Variants in ZFP3 observed in about 807,000 individuals in gnomAD.
ZFP3 encodes the protein ZFP3 zinc finger protein, also known as zinc finger protein 3 homolog.
In ZFP3, 18 loss-of-function variants were observed where a neutral mutation model predicts 36.7. That is an observed-to-expected ratio of 0.49 (90% confidence interval 0.34 to 0.73). The LOEUF is 0.73. ZFP3 is among the 30% of genes least tolerant of loss of function. The pLI, the probability that ZFP3 is intolerant of heterozygous loss-of-function variation, is 0.01. For synonymous variants in ZFP3, 218 were observed against 199.0 expected, an observed-to-expected ratio of 1.10 and a Z score of -0.81; for missense variants, 495 against 599.0, an observed-to-expected ratio of 0.83 and a Z score of 1.81.
At chr17:5,084,010 G>A (rs2072107725) in intron 1 of ZFP3, among the ~76,000 whole-genome samples, 1 of 151,844 alleles carries the variant, frequency 6.6e-6, no homozygotes, top group Non-Finnish European at 1.5e-5. Flanking sequence ...GGGATTATAA[G>A]CACCCACCAT....
At chr17:5,089,610 A>G (rs2072139191) in intron 1 of ZFP3, among the ~76,000 whole-genome samples, 1 of 152,198 alleles carries the variant, frequency 6.6e-6, no homozygotes, top group Admixed American at 6.5e-5. Context: ...CATTTTTGCC[A>G]CAACTAAAAA....
At chr17:5,083,725 C>T (rs952264638) in intron 1 of ZFP3, among the ~76,000 whole-genome samples, 9 of 152,120 alleles carry the variant, frequency 5.9e-5, no homozygotes, top group Non-Finnish European at 1.2e-4. Context: ...GATTCTCACG[C>T]AGCTAGCCTA....
At chr17:5,080,049 A>G (rs375201481) in intron 1 of ZFP3, among the ~76,000 whole-genome samples, 2 of 152,232 alleles carry the variant, frequency 1.3e-5, no homozygotes, top group African/African-American at 4.8e-5. Context: ...CAAAGAAAAA[A>G]AAAAAAATAG....
chr17:5,091,658 A>C lies in ZFP3; in HGVS notation c.154A>C (p.Arg52=), dbSNP rs1369761545. ...CEEDMLEGHS[R]ESMEEVIEQM... ...AGAAGACATGTTGGAGGGACATTCG[A>C]GAGAGTCCATGGAAGAGGTTATAGA... Residue 52 remains arginine (R), a synonymous_variant, in exon 2 of 2, where the codon AGA becomes CGA. Transcript: ENST00000318833. 11 of 1,614,184 alleles carry C rather than the reference A, an allele frequency of 6.8e-6. No individual in the cohort carries two copies. Among genetic ancestry groups the C allele is most frequent in the Non-Finnish European group, 9.3e-6 (11 of 1,180,014 alleles).
chr17:5,081,124 G>A (rs989945553), intron 1 of ZFP3, among the ~76,000 whole-genome samples: 1 of 146,652 alleles, frequency 6.8e-6, no homozygotes, highest in Non-Finnish European at 1.5e-5. Flanking sequence ...TTGAGATGGA[G>A]TCTCACTCTG....
chr17:5,090,141 A>G (rs983578798), intron 1 of ZFP3, among the ~76,000 whole-genome samples: 2 of 152,236 alleles, frequency 1.3e-5, no homozygotes, highest in African/African-American at 4.8e-5. Context: ...TAAAAACAAC[A>G]TCAGCATAAG....
At chr17:5,089,572 G>T (rs1342198106) in intron 1 of ZFP3, among the ~76,000 whole-genome samples, 1 of 152,168 alleles carries the variant, frequency 6.6e-6, no homozygotes, top group East Asian at 1.9e-4. Flanking sequence ...TAAGGCAATG[G>T]GGAATAATAT....
At chr17:5,083,352 G>A (rs2072103704) in intron 1 of ZFP3, among the ~76,000 whole-genome samples, 1 of 152,044 alleles carries the variant, frequency 6.6e-6, no homozygotes, top group South Asian at 2.1e-4. Context: ...GAGGTCAGGA[G>A]TTGGAGACCA....
At chr17:5,081,093 CT>C (rs71367880) in intron 1 of ZFP3, among the ~76,000 whole-genome samples, 2,893 of 141,544 alleles carry the variant, frequency 0.02, 84 homozygotes, top group African/African-American at 0.069. Context: ...TGTTTCTGTT[CT>C]TTTTTTTTTT....
At chr17:5,082,801 A>G (rs2072101163) in intron 1 of ZFP3, among the ~76,000 whole-genome samples, 1 of 152,188 alleles carries the variant, frequency 6.6e-6, no homozygotes, top group Non-Finnish European at 1.5e-5. Context: ...AAGTGCCGGG[A>G]TTATAGGCGT....
intron 1 of ZFP3, among the ~76,000 whole-genome samples, chr17:5,091,111 C>T (rs1421209939): frequency 1.3e-5 from 2 of 152,012 alleles, no homozygotes; most frequent in Non-Finnish European, 2.9e-5. Context: ...ATCTCTTTAC[C>T]ATCCATTTCC....
chr17:5,093,017 G>A lies in ZFP3; in HGVS notation c.*4G>A, dbSNP rs1284583757. 3.2e-6 allele frequency: 5 copies of A among 1,548,454 alleles called. No homozygotes were observed. The highest frequency in any genetic ancestry group is 4.3e-6 in the Non-Finnish European group (5 of 1,150,502). ...AAGTGTTCACTGTATGGAGTAATCTGCAAAATAGGAAAGCTTTTAGTGGAA... is the reference window on the plus strand; with the variant it reads ...AAGTGTTCACTGTATGGAGTAATCTACAAAATAGGAAAGCTTTTAGTGGAA... On this transcript the variant is annotated 3_prime_UTR_variant, in exon 2 of 2. Coordinates refer to ENST00000318833, the MANE Select transcript of ZFP3 (RefSeq NM_153018.3).
Position 5,092,640 on chromosome 17 carries a change from A to G in ZFP3, c.1136A>G (p.Glu379Gly). 6.2e-7 allele frequency: 1 copy of G among 1,614,190 alleles called. No homozygotes were observed. Among genetic ancestry groups the G allele is most frequent in the Non-Finnish European group, 8.5e-7 (1 of 1,180,036 alleles). ...GGGAAGGCCTTCAGGGGGAACTCAGAACTTCTTAGACATGAGAGAATTCAC... is the reference window on the plus strand; with the variant it reads ...GGGAAGGCCTTCAGGGGGAACTCAGGACTTCTTAGACATGAGAGAATTCAC... ...ECGKAFRGNS[E>G]LLRHERIHTG... Residue 379 changes from glutamate to glycine, a missense_variant, in exon 2 of 2, where the codon GAA (glutamate) becomes GGA (glycine). By Grantham distance (98) the Glu-to-Gly change is moderately conservative. Coordinates refer to ENST00000318833, the MANE Select transcript of ZFP3 (RefSeq NM_153018.3). This position sits in a 1 kb window ranked among gnomAD's most constrained non-coding sequence, Gnocchi z 5.0.
chr17:5,093,391 C>CT lies in ZFP3; in HGVS notation c.*381dup, dbSNP rs1467068438. 5.4e-6 allele frequency: 1 copy of CT among 185,258 alleles called. No homozygotes were observed. Among genetic ancestry groups the CT allele is most frequent in the Non-Finnish European group, 1.2e-5 (1 of 80,266 alleles). 11.5% of individuals were successfully genotyped at this position (185,258 alleles called of 1,614,324 possible). On this transcript the variant is annotated 3_prime_UTR_variant, in exon 2 of 2. Coordinates refer to ENST00000318833, the MANE Select transcript of ZFP3 (RefSeq NM_153018.3). The stretch of plus-strand genomic sequence containing the variant: ...TGTGCTAAGTTAAATCATAAAAGCT[C>CT]TTTCAGGCCTTAATTTCCCCTCTGT...
Position 5,095,477 on chromosome 17 carries a change from A to G in ZFP3, c.*2464A>G, listed in dbSNP as rs1567751276. Reference sequence around the variant, plus strand: ...TTCCATGCCTGATTCCCGTGTTTGCATATTTTATTTCCACATTTACCTCTT... The same window carrying G: ...TTCCATGCCTGATTCCCGTGTTTGCGTATTTTATTTCCACATTTACCTCTT... On this transcript the variant is annotated 3_prime_UTR_variant, in exon 2 of 2. Transcript: ENST00000318833. 6.0e-6 allele frequency: 1 copy of G among 166,954 alleles called. No individual in the cohort carries two copies. Among genetic ancestry groups the G allele is most frequent in the Non-Finnish European group, 1.5e-5 (1 of 68,108 alleles). 10.3% of individuals were successfully genotyped at this position (166,954 alleles called of 1,614,324 possible). A position where few individuals can be genotyped will look rare whatever the true frequency, so the allele number is the denominator to read the frequency against.
chr17:5,081,703 G>C (rs1205232075), intron 1 of ZFP3, among the ~76,000 whole-genome samples: 1 of 150,780 alleles, frequency 6.6e-6, no homozygotes, highest in African/African-American at 2.4e-5. Context: ...CCGGGTTCAC[G>C]CCATTCTCCT....
chr17:5,087,803 C>T (rs1238438040), intron 1 of ZFP3, among the ~76,000 whole-genome samples: 1 of 152,168 alleles, frequency 6.6e-6, no homozygotes, highest in Non-Finnish European at 1.5e-5. Context: ...CTTTCTCCTG[C>T]CCTGCCCTTT....
rs1051889288 is a variant in ZFP3, at chr17:5,078,473, C to G, written c.-111C>G. On this transcript the variant is annotated 5_prime_UTR_variant, in exon 1 of 2. Transcript: ENST00000318833. The surrounding 1 kb of genome is among the most constrained non-coding windows in gnomAD (Gnocchi z 4.5). ...CCGGGTACCGGAAGTGGCCGATGCCCGTCGCCAGTGACACCGGGACAACAG... is the reference window on the plus strand; with the variant it reads ...CCGGGTACCGGAAGTGGCCGATGCCGGTCGCCAGTGACACCGGGACAACAG... 3.9e-5 allele frequency: 6 copies of G among 152,322 alleles called. No individual in the cohort carries two copies. Among genetic ancestry groups the G allele is most frequent in the African/African-American group, 1.2e-4 (5 of 41,468 alleles). 9.4% of individuals were successfully genotyped at this position (152,322 alleles called of 1,614,324 possible). A position where few individuals can be genotyped will look rare whatever the true frequency, so the allele number is the denominator to read the frequency against.
At position 5,092,886 on chromosome 17, in the gene ZFP3, A is replaced by G. The variant is rs770812153; in HGVS notation, c.1382A>G (p.His461Arg). The change falls in exon 2 of 2, where the codon CAT becomes CGT. Residue 461 changes from histidine (H) to arginine (R), a missense_variant. By Grantham distance (29) the His-to-Arg change is conservative. Coordinates refer to ENST00000318833, the MANE Select transcript of ZFP3 (RefSeq NM_153018.3). The surrounding 1 kb of genome is among the most constrained non-coding windows in gnomAD (Gnocchi z 5.0). Reference sequence around the variant, plus strand: ...GAGTGTGAGAAAACATTTAGCCAGCATTCCCAACTTATCATACATCAGAGA... The same window carrying G: ...GAGTGTGAGAAAACATTTAGCCAGCGTTCCCAACTTATCATACATCAGAGA... ...CSECEKTFSQ[H>R]SQLIIHQRIH... 2.5e-5 allele frequency: 41 copies of G among 1,614,212 alleles called. No individual in the cohort carries two copies. In the East Asian group the frequency reaches 6.2e-4, roughly 25 times the overall value.
Sources: allele counts gnomAD v4.1 joint callset (sites outside exome capture counted in the v4.1 genomes callset), GRCh38; gene constraint gnomAD v4.1.1; non-coding constraint Gnocchi (gnomAD v3.1); transcripts MANE v1.5; gene names NCBI Gene and HGNC (gene_info 2026-07-23, HGNC 2026-07-21).